Variants in TMEM200B observed in about 807,000 individuals in gnomAD.
TMEM200B encodes transmembrane protein 200B, also known as transmembrane protein TTMA.
In TMEM200B, 12 loss-of-function variants were observed where a neutral mutation model predicts 17.6. The observed-to-expected ratio is 0.68, with a 90% CI of 0.44 to 1.11. The LOEUF (loss-of-function observed/expected upper bound fraction) is 1.11. Ranked by LOEUF, TMEM200B falls within the 50% of genes least tolerant of loss-of-function variation. The pLI is 0.00. For synonymous variants in TMEM200B, 234 were observed against 209.2 expected (o/e 1.12, Z -1.02); for missense variants, 456 against 447.6 (o/e 1.02, Z -0.17).
In TMEM200B at chr1:29,120,980, C is replaced by G; in HGVS notation, c.849G>C (p.Trp283Cys). The change falls in exon 2 of 2, where the codon TGG becomes TGC. Residue 283 changes from tryptophan (W) to cysteine (C), a missense_variant. Physicochemically the swap from Trp to Cys is radical, Grantham distance 215. Coordinates refer to ENST00000521452, the MANE Select transcript of TMEM200B (RefSeq NM_001003682.4). Reference protein sequence around the residue: ...PAARDCAHRSWPRLDRLSLGG... With the variant: ...PAARDCAHRSCPRLDRLSLGG... ...CAAGACTGAGGCGGTCCAGCCGTGG[C>G]CAGCTTCGGTGAGCACAGTCCCGAG... The G allele has an allele frequency of 6.2e-7, 1 of 1,613,704 alleles. No individual in the cohort carries two copies. Among genetic ancestry groups the G allele is most frequent in the Non-Finnish European group, 8.5e-7 (1 of 1,179,996 alleles).
Position 29,121,687 on chromosome 1 carries a change from G to A in TMEM200B, c.142C>T (p.Leu48=). Residue 48 remains leucine (L), a synonymous_variant, in exon 2 of 2, where the codon CTG becomes TTG. Transcript: ENST00000521452. This position sits in a 1 kb window ranked among gnomAD's most constrained non-coding sequence, Gnocchi z 5.6. ...GCGAACGCCCCCGACGGCGAGCGCA[G>A]CCGCAGCCGCGCCCGCACCCGCAGA... The part of the protein sequence containing the change: ...EPLRVRARLR[L]RSPSGAFAAL... The A allele has an allele frequency of 1.5e-6, 2 of 1,323,762 alleles. No individual in the cohort carries two copies. Among genetic ancestry groups the A allele is most frequent in the Non-Finnish European group, 1.9e-6 (2 of 1,039,492 alleles). 82.0% of individuals were successfully genotyped at this position (1,323,762 alleles called of 1,614,324 possible).
intron 1 of TMEM200B, among the ~76,000 whole-genome samples, chr1:29,123,027 C>G (rs1359909140): frequency 6.6e-6 from 1 of 152,240 alleles, no homozygotes; most frequent in Non-Finnish European, 1.5e-5. Flanking sequence ...CAGGGCCTAG[C>G]TGTCCAGGGT....
At position 29,120,244 on chromosome 1, in the gene TMEM200B, A is replaced by AGCATAG. The variant is rs1405575266; in HGVS notation, c.*655_*660dup. On this transcript the variant is annotated 3_prime_UTR_variant, in exon 2 of 2. Transcript: ENST00000521452. ...TTTGCCAGCTGCAGTGAGATTCTGC[A>AGCATAG]GCATAGGCCACGATAAAGGAAGGAG... The AGCATAG allele has an allele frequency of 6.5e-6, 1 of 152,700 alleles. No individual in the cohort carries two copies. Among genetic ancestry groups the AGCATAG allele is most frequent in the African/African-American group, 2.4e-5 (1 of 41,466 alleles). The allele number at this position is 152,700 out of a possible 1,614,324, so 9.5% of individuals were successfully genotyped here. A position where few individuals can be genotyped will look rare whatever the true frequency, so the allele number is the denominator to read the frequency against.
rs1225051532 is a variant in TMEM200B, at chr1:29,121,003, G to T, written c.826C>A (p.Arg276=). 1.2e-6 allele frequency: 2 copies of T among 1,613,566 alleles called. No individual in the cohort carries two copies. Among genetic ancestry groups the T allele is most frequent in the African/African-American group, 2.7e-5 (2 of 74,920 alleles). The change falls in exon 2 of 2, where the codon CGG becomes AGG. Residue 276 remains arginine, a synonymous_variant. Coordinates refer to ENST00000521452, the MANE Select transcript of TMEM200B (RefSeq NM_001003682.4). This position sits in a 1 kb window ranked among gnomAD's most constrained non-coding sequence, Gnocchi z 5.6. ...GELLLGAPAA[R]DCAHRSWPRL... ...GGCCAGCTTCGGTGAGCACAGTCCC[G>T]AGCTGCTGGGGCCCCAAGGAGGAGC...
chr1:29,120,863 T>C lies in TMEM200B; in HGVS notation c.*42A>G, dbSNP rs766617990. 3.3e-6 allele frequency: 5 copies of C among 1,513,842 alleles called. No individual in the cohort carries two copies. In the South Asian group the frequency reaches 5.2e-5, roughly 16 times the overall value. 93.8% of individuals were successfully genotyped at this position (1,513,842 alleles called of 1,614,324 possible). A position where few individuals can be genotyped will look rare whatever the true frequency, so the allele number is the denominator to read the frequency against. ...TCCTGGTCCTTTGGTCCTATTAGCA[T>C]GGTCCATGCTGCAGCCTCAGAGCAG... On this transcript the variant is annotated 3_prime_UTR_variant, in exon 2 of 2. Coordinates refer to ENST00000521452, the MANE Select transcript of TMEM200B (RefSeq NM_001003682.4).
intron 1 of TMEM200B, among the ~76,000 whole-genome samples, chr1:29,122,690 G>A (rs1671861521): frequency 6.6e-6 from 1 of 152,200 alleles, no homozygotes; most frequent in South Asian, 2.1e-4. Flanking sequence ...GGGCAAGGCT[G>A]TTCCCAGGTT....
At chr1:29,122,840 G>C (rs1178996835) in intron 1 of TMEM200B, among the ~76,000 whole-genome samples, 2 of 152,250 alleles carry the variant, frequency 1.3e-5, no homozygotes, top group Admixed American at 6.5e-5. Context: ...CTCGGGATCC[G>C]GGCCGCACAG....
At position 29,121,707 on chromosome 1, in the gene TMEM200B, C is replaced by G; in HGVS notation, c.122G>C (p.Arg41Pro). ...RRPRSPPEPL[R>P]VRARLRLRSP... Reference sequence around the variant, plus strand: ...GCGCAGCCGCAGCCGCGCCCGCACCCGCAGAGGCTCGGGCGGGGAGCGCGG... The same window carrying G: ...GCGCAGCCGCAGCCGCGCCCGCACCGGCAGAGGCTCGGGCGGGGAGCGCGG... Residue 41 changes from arginine (R) to proline (P), a missense_variant, in exon 2 of 2, where the codon CGG becomes CCG. Coordinates refer to ENST00000521452, the MANE Select transcript of TMEM200B (RefSeq NM_001003682.4). This position sits in a 1 kb window ranked among gnomAD's most constrained non-coding sequence, Gnocchi z 5.6. 2 of 1,267,808 alleles carry G rather than the reference C, an allele frequency of 1.6e-6. No homozygotes were observed. Among genetic ancestry groups the G allele is most frequent in the Non-Finnish European group, 2.0e-6 (2 of 1,011,098 alleles). 78.5% of individuals were successfully genotyped at this position (1,267,808 alleles called of 1,614,324 possible).
At chr1:29,123,402 C>CT (rs1318973762) in intron 1 of TMEM200B, among the ~76,000 whole-genome samples, 2 of 152,216 alleles carry the variant, frequency 1.3e-5, no homozygotes, top group Non-Finnish European at 2.9e-5. Flanking sequence ...GGCCCATCCC[C>CT]TCCTTGTCCC....
In TMEM200B at chr1:29,121,831, C is replaced by G; in HGVS notation, c.-3G>C. On this transcript the variant is annotated 5_prime_UTR_variant, in exon 2 of 2. Transcript: ENST00000521452. The surrounding 1 kb of genome is among the most constrained non-coding windows in gnomAD (Gnocchi z 5.6). ...TCTTCGGGGCTCCCGGCCGTCATCTCGCCGTCGTCTGGGCGCTCTGCGGAG... is the reference window on the plus strand; with the variant it reads ...TCTTCGGGGCTCCCGGCCGTCATCTGGCCGTCGTCTGGGCGCTCTGCGGAG... 1 of 1,288,016 alleles carries G rather than the reference C, an allele frequency of 7.8e-7. No individual in the cohort carries two copies. The highest frequency in any genetic ancestry group is 1.5e-5 in the African/African-American group (1 of 65,948). The allele number at this position is 1,288,016 out of a possible 1,614,324, so 79.8% of individuals were successfully genotyped here.
Position 29,123,817 on chromosome 1 carries a change from A to T in TMEM200B, c.-21+39T>A, listed in dbSNP as rs1334225123. On this transcript the variant is annotated intron_variant, in intron 1 of 1. Coordinates refer to ENST00000521452, the MANE Select transcript of TMEM200B (RefSeq NM_001003682.4). ...GGAGGGACCAAACGAAAAGTTGGGA[A>T]AAGTGGAGTGCGGACCCCTGGACCC... 2.0e-5 allele frequency: 3 copies of T among 151,860 alleles called. No individual in the cohort carries two copies. The East Asian group carries it at 5.9e-4, about 30-fold the overall frequency. The allele number at this position is 151,860 out of a possible 1,614,324, so 9.4% of individuals were successfully genotyped here.
Position 29,121,142 on chromosome 1 carries a change from G to A in TMEM200B, c.687C>T (p.Pro229=), listed in dbSNP as rs760005677. 4 of 1,613,618 alleles carry A rather than the reference G, an allele frequency of 2.5e-6. No homozygotes were observed. The highest frequency in any genetic ancestry group is 1.3e-5 in the African/African-American group (1 of 74,952). Reference sequence around the variant, plus strand: ...GTGGACCCCAGGGTGGGGGCAGCCCGGGGCCCTTCAGCGGGTAGCTGTTGA... The same window carrying A: ...GTGGACCCCAGGGTGGGGGCAGCCCAGGGCCCTTCAGCGGGTAGCTGTTGA... ...ALLNSYPLKG[P]GLPPPWGPRT... is the part of the protein sequence containing the mutation. Residue 229 remains proline, a synonymous_variant, in exon 2 of 2, where the codon CCC becomes CCT. Coordinates refer to ENST00000521452, the MANE Select transcript of TMEM200B (RefSeq NM_001003682.4). The surrounding 1 kb of genome is among the most constrained non-coding windows in gnomAD (Gnocchi z 5.6).
Position 29,121,082 on chromosome 1 carries a change from C to CT in TMEM200B, c.746dup (p.Pro250AlafsTer7). On this transcript the variant is annotated frameshift_variant, in exon 2 of 2. Transcript: ENST00000521452. LOFTEE classifies it high-confidence loss of function. This position sits in a 1 kb window ranked among gnomAD's most constrained non-coding sequence, Gnocchi z 5.6. ...AATGTTCAATGCAGGAGCCAGACGGCTGCACGGTGATGATCACATGGCCAG... is the reference window on the plus strand; with the variant it reads ...AATGTTCAATGCAGGAGCCAGACGGCTTGCACGGTGATGATCACATGGCCAG... 1.9e-6 allele frequency: 3 copies of CT among 1,613,892 alleles called. No homozygotes were observed. Among genetic ancestry groups the CT allele is most frequent in the Non-Finnish European group, 2.5e-6 (3 of 1,180,046 alleles).
intron 1 of TMEM200B, among the ~76,000 whole-genome samples, chr1:29,122,827 C>A (rs541290461): frequency 7.2e-5 from 11 of 152,372 alleles, no homozygotes; most frequent in African/African-American, 2.6e-4. Context: ...ACCGCCCCTG[C>A]GCCTCGGGAT....
chr1:29,122,999 G>C (rs1260359504), intron 1 of TMEM200B, among the ~76,000 whole-genome samples: 1 of 152,228 alleles, frequency 6.6e-6, no homozygotes, highest in Non-Finnish European at 1.5e-5. Context: ...GGCGCCCCAG[G>C]CCGCAGGAGA....
At position 29,121,692 on chromosome 1, in the gene TMEM200B, A is replaced by G; in HGVS notation, c.137T>C (p.Leu46Pro). 8 of 1,308,780 alleles carry G rather than the reference A, an allele frequency of 6.1e-6. No homozygotes were observed. The highest frequency in any genetic ancestry group is 7.7e-6 in the Non-Finnish European group (8 of 1,032,322). The allele number at this position is 1,308,780 out of a possible 1,614,324, so 81.1% of individuals were successfully genotyped here. A position where few individuals can be genotyped will look rare whatever the true frequency, so the allele number is the denominator to read the frequency against. The change falls in exon 2 of 2, where the codon CTG becomes CCG. Residue 46 changes from leucine to proline, a missense_variant. By Grantham distance (98) the Leu-to-Pro change is moderately conservative. Coordinates refer to ENST00000521452, the MANE Select transcript of TMEM200B (RefSeq NM_001003682.4). This position sits in a 1 kb window ranked among gnomAD's most constrained non-coding sequence, Gnocchi z 5.6. ...PPEPLRVRAR[L>P]RLRSPSGAFA... is the part of the protein sequence containing the mutation. ...CGCCCCCGACGGCGAGCGCAGCCGC[A>G]GCCGCGCCCGCACCCGCAGAGGCTC...
rs571758727 is a variant in TMEM200B, at chr1:29,120,550, T to C, written c.*355A>G. The C allele has an allele frequency of 7.3e-4, 192 of 262,470 alleles. No homozygotes were observed. Among genetic ancestry groups the C allele is most frequent in the Non-Finnish European group, 9.3e-4 (128 of 137,018 alleles). The allele number at this position is 262,470 out of a possible 1,614,324, so 16.3% of individuals were successfully genotyped here. Reference sequence around the variant, plus strand: ...CCTACCTCCCAGTCTTAGGGGCCCTTGCCCACCACTTTCTTGGGTTTGCCA... The same window carrying C: ...CCTACCTCCCAGTCTTAGGGGCCCTCGCCCACCACTTTCTTGGGTTTGCCA... On this transcript the variant is annotated 3_prime_UTR_variant, in exon 2 of 2. Coordinates refer to ENST00000521452, the MANE Select transcript of TMEM200B (RefSeq NM_001003682.4).
rs1671805868 is a variant in TMEM200B at position 29,121,849 on chromosome 1, C to G, written c.-20-1G>C. The G allele has an allele frequency of 7.8e-7, 1 of 1,280,262 alleles. No individual in the cohort carries two copies. The highest frequency in any genetic ancestry group is 1.5e-5 in the African/African-American group (1 of 65,612). The allele number at this position is 1,280,262 out of a possible 1,614,324, so 79.3% of individuals were successfully genotyped here. On this transcript the variant is annotated splice_acceptor_variant, in intron 1 of 1. Coordinates refer to ENST00000521452, the MANE Select transcript of TMEM200B (RefSeq NM_001003682.4). LOFTEE classifies it low-confidence loss of function (5UTR_SPLICE). This position sits in a 1 kb window ranked among gnomAD's most constrained non-coding sequence, Gnocchi z 5.6. ...GTCATCTCGCCGTCGTCTGGGCGCT[C>G]TGCGGAGAGAAGATGGGAGGCAAGG...
rs1045206409 is a variant in TMEM200B at position 29,120,210 on chromosome 1, C to G, written c.*695G>C. 6.6e-6 allele frequency: 1 copy of G among 152,592 alleles called. No individual in the cohort carries two copies. Among genetic ancestry groups the G allele is most frequent in the South Asian group, 2.1e-4 (1 of 4,828 alleles). 9.5% of individuals were successfully genotyped at this position (152,592 alleles called of 1,614,324 possible). On this transcript the variant is annotated 3_prime_UTR_variant, in exon 2 of 2. Coordinates refer to ENST00000521452, the MANE Select transcript of TMEM200B (RefSeq NM_001003682.4). ...GAGTAAAGGGATTTCTGAGAGCTGG[C>G]CAATGCCTTTTGCCAGCTGCAGTGA...
Sources: allele counts gnomAD v4.1 joint callset (sites outside exome capture counted in the v4.1 genomes callset), GRCh38; gene constraint gnomAD v4.1.1; non-coding constraint Gnocchi (gnomAD v3.1); transcripts MANE v1.5; gene names NCBI Gene and HGNC (gene_info 2026-07-23, HGNC 2026-07-21).